DDX21: variants seen among roughly 807,000 people sequenced by gnomAD.
DDX21 encodes the protein DExD-box helicase 21.
A neutral mutation model predicts 90.0 loss-of-function variants in DDX21; 18 were observed. The observed-to-expected ratio is 0.20, with a 90% CI of 0.14 to 0.30. DDX21 has a LOEUF of 0.30. DDX21 is among the 10% of genes least tolerant of loss of function. DDX21 has a pLI of 1.00. For missense variants in DDX21, 673 were observed against 944.5 expected (o/e 0.71, Z 3.77); for synonymous variants, 294 against 318.0 (o/e 0.92, Z 0.80).
At chr10:68,969,293 T>C (rs12412930) in intron 7 of DDX21, among the ~76,000 whole-genome samples, 172 bp downstream of exon 7, 1 of 152,230 alleles carries the variant, frequency 6.6e-6, no homozygotes, top group Non-Finnish European at 1.5e-5. Flanking sequence ...TTTATTTTTA[T>C]TTTTTGAGAT....
chr10:68,976,185 C>CTAA (rs1843098046), intron 11 of DDX21, among the ~76,000 whole-genome samples: 2 of 150,716 alleles, frequency 1.3e-5, no homozygotes, highest in Admixed American at 6.6e-5. Flanking sequence ...TGTGGTTGTG[C>CTAA]TAATGTACTC....
intron 13 of DDX21, among the ~76,000 whole-genome samples, chr10:68,981,224 T>C (rs1843185788): frequency 6.6e-6 from 1 of 152,238 alleles, no homozygotes; most frequent in Non-Finnish European, 1.5e-5. Flanking sequence ...TTTCCAAGCC[T>C]GTTTGCTCAG....
intron 10 of DDX21, 27 bp from the exon 11 acceptor site, chr10:68,974,643 A>G (rs781537700): frequency 1.9e-6 from 3 of 1,605,548 alleles, no homozygotes; most frequent in Non-Finnish European, 2.6e-6. Context: ...GCCACTGTAC[A>G]TTAAACTGTG....
Position 68,960,174 on chromosome 10 carries a change from T to C in DDX21, c.456T>C (p.Asn152=), listed in dbSNP as rs766968332. Residue 152 remains asparagine, a synonymous_variant, in exon 2 of 15, where the codon AAT becomes AAC. Coordinates refer to ENST00000354185, the MANE Select transcript of DDX21 (RefSeq NM_004728.4). ...GAGAGAAAAGCCCCAAACTGAAGAA[T>C]GGATTTCCTCATCCTGAACCGGACT... is the stretch of plus-strand genomic sequence containing the variant. ...ETREKSPKLK[N]GFPHPEPDCN... The C allele has an allele frequency of 1.0e-4, 166 of 1,613,630 alleles. 1 individual carries two copies. In the South Asian group the frequency reaches 1.7e-3, roughly 17 times the overall value.
chr10:68,970,446 A>C, intron 8 of DDX21, 96 bp downstream of exon 8: 1 of 1,227,412 alleles, frequency 8.1e-7, no homozygotes, highest in South Asian at 1.6e-5. Flanking sequence ...TCATTCAGTG[A>C]ATACCAGTTT....
chr10:68,961,995 T>G, intron 2 of DDX21, 87 bp from the exon 3 acceptor site: 1 of 1,065,466 alleles, frequency 9.4e-7, no homozygotes, highest in Non-Finnish European at 1.4e-6. Flanking sequence ...TGCTTTAGGA[T>G]AGCTTGTTTT....
intron 11 of DDX21, among the ~76,000 whole-genome samples, chr10:68,975,178 G>A (rs1325219685): frequency 6.6e-6 from 1 of 152,198 alleles, no homozygotes; most frequent in Non-Finnish European, 1.5e-5. Flanking sequence ...TGGCTGATTA[G>A]ACCACAGATT....
chr10:68,974,629 G>A (rs1843069841), intron 10 of DDX21, 41 bp from the exon 11 acceptor site: 2 of 1,539,390 alleles, frequency 1.3e-6, no homozygotes, highest in East Asian at 2.2e-5. Flanking sequence ...GGAAACAATT[G>A]ATGGCCACTG....
At chr10:68,975,347 G>A (rs986955198) in intron 11 of DDX21, among the ~76,000 whole-genome samples, 1 of 152,168 alleles carries the variant, frequency 6.6e-6, no homozygotes, top group African/African-American at 2.4e-5. Flanking sequence ...TTTTTTATGG[G>A]ATTGTCCTGC....
chr10:68,956,467 T>TG, intron 1 of DDX21, 155 bp downstream of exon 1: 2 of 1,461,912 alleles, frequency 1.4e-6, no homozygotes. Context: ...CGCCCAGGAG[T>TG]GGTGCGCTCC....
chr10:68,977,285 G>A (rs1405666833), intron 11 of DDX21, among the ~76,000 whole-genome samples: 1 of 152,120 alleles, frequency 6.6e-6, no homozygotes, highest in African/African-American at 2.4e-5. Context: ...GTAACACCGT[G>A]GTGAACTTCT....
intron 4 of DDX21, among the ~76,000 whole-genome samples, chr10:68,964,443 T>G (rs1842913120): frequency 1.3e-5 from 2 of 152,118 alleles, no homozygotes; most frequent in Non-Finnish European, 2.9e-5. Context: ...ACCCTATTTT[T>G]GAGGACCTGT....
At chr10:68,959,721 C>G in intron 1 of DDX21, 85 bp from the exon 2 acceptor site, 1 of 1,041,120 alleles carries the variant, frequency 9.6e-7, no homozygotes, top group African/African-American at 1.7e-5. Context: ...TGAAAATGAT[C>G]TTGAAATAAT....
At chr10:68,976,763 C>T (rs1410290149) in intron 11 of DDX21, among the ~76,000 whole-genome samples, 1 of 152,138 alleles carries the variant, frequency 6.6e-6, no homozygotes, top group Non-Finnish European at 1.5e-5. Flanking sequence ...TCCAGCGTGC[C>T]AGCCCTGACA....
chr10:68,981,710 T>C (rs1454232000), intron 14 of DDX21, 129 bp downstream of exon 14: 2 of 836,156 alleles, frequency 2.4e-6, no homozygotes, highest in Non-Finnish European at 3.7e-6. Flanking sequence ...GATAATTAAA[T>C]TTTGGAATAT....
intron 5 of DDX21, 125 bp downstream of exon 5, chr10:68,965,619 T>C: frequency 1.4e-6 from 1 of 698,486 alleles, no homozygotes; most frequent in Non-Finnish European, 2.4e-6. Context: ...GATTTTCTTT[T>C]GCCATTGTTT....
chr10:68,964,977 C>A (rs753837016), intron 4 of DDX21, among the ~76,000 whole-genome samples: 25 of 152,076 alleles, frequency 1.6e-4, no homozygotes, highest in Non-Finnish European at 2.6e-4. Context: ...AGATCAAATT[C>A]ATATTGCTCT....
At position 68,959,813 on chromosome 10, in the gene DDX21, A is replaced by G; in HGVS notation, c.95A>G (p.Lys32Arg). The G allele has an allele frequency of 6.5e-7, 1 of 1,532,328 alleles. No individual in the cohort carries two copies. The highest frequency in any genetic ancestry group is 2.3e-5 in the East Asian group (1 of 42,786). The allele number at this position is 1,532,328 out of a possible 1,614,324, so 94.9% of individuals were successfully genotyped here. ...TLRKQTEEKE[K>R]KEKPKSDKTE... ...CTTATGAATTTTTTTTAGAAAGAGA[A>G]AAAAGAGAAGCCAAAATCTGATAAG... is the stretch of plus-strand genomic sequence containing the variant. Residue 32 changes from lysine to arginine, a missense_variant, in exon 2 of 15, where the codon AAA becomes AGA. Transcript: ENST00000354185.
At chr10:68,970,859 G>A (rs1037564745) in intron 8 of DDX21, among the ~76,000 whole-genome samples, 3 of 151,900 alleles carry the variant, frequency 2.0e-5, no homozygotes, top group African/African-American at 4.8e-5. Flanking sequence ...CACCGTGTTG[G>A]CCGGGTTGGT....
Sources: gnomAD v4.1 joint callset for allele counts (sites outside exome capture counted in the v4.1 genomes callset) on GRCh38, gnomAD v4.1.1 for gene constraint, MANE v1.5 for transcripts, NCBI Gene and HGNC (gene_info 2026-07-23, HGNC 2026-07-21) for gene names.